The following SNX29 variants were observed in gnomAD, a reference collection of about 807,000 sequenced individuals.
The protein encoded by SNX29 is sorting nexin-29.
SNX29 carries 78 observed loss-of-function variants against 102.1 expected under a neutral mutation model. The observed-to-expected ratio is 0.76, with a 90% confidence interval of 0.64 to 0.92. The LOEUF (loss-of-function observed/expected upper bound fraction) is 0.92. Ranked by LOEUF, SNX29 falls within the 40% of genes least tolerant of loss-of-function variation. The pLI is 0.00. For synonymous variants in SNX29, 580 were observed against 414.5 expected, an observed-to-expected ratio of 1.40 and a Z score of -4.85; for missense variants, 1,280 against 1,061.7, an observed-to-expected ratio of 1.21 and a Z score of -2.86.
At chr16:12,527,462 A>G (rs1222914461) in intron 20 of SNX29, 1 of 428,078 alleles carries the variant, frequency 2.3e-6, no homozygotes, top group Non-Finnish European at 4.4e-6. Flanking sequence ...TCAAATGTTG[A>G]TTTAGGATCC....
chr16:12,278,074 G>C, intron 15 of SNX29, 38 bp downstream of exon 15: 1 of 1,538,504 alleles, frequency 6.5e-7, no homozygotes, highest in Non-Finnish European at 8.8e-7. Context: ...TGTTTCTGAT[G>C]TTGGCTGCGT....
chr16:12,013,378 T>C (rs1025493554), intron 3 of SNX29, among the ~76,000 whole-genome samples: 1 of 148,602 alleles, frequency 6.7e-6, no homozygotes, highest in African/African-American at 2.5e-5. Context: ...GCACGGTGGT[T>C]CACGCCTGTA....
intron 15 of SNX29, among the ~76,000 whole-genome samples, chr16:12,306,410 T>A (rs1038005409): frequency 2.6e-5 from 4 of 151,882 alleles, no homozygotes; most frequent in Admixed American, 2.6e-4. Flanking sequence ...GAGAGAACAA[T>A]GTCCTCCAGT....
At chr16:12,164,598 A>C (rs1474879420) in intron 13 of SNX29, among the ~76,000 whole-genome samples, 1 of 151,878 alleles carries the variant, frequency 6.6e-6, no homozygotes, top group Non-Finnish European at 1.5e-5. Context: ...CTGTATGGGC[A>C]GCCTGAGCAT....
intron 15 of SNX29, among the ~76,000 whole-genome samples, chr16:12,290,884 G>A (rs1412551182): frequency 6.6e-6 from 1 of 152,196 alleles, no homozygotes; most frequent in Non-Finnish European, 1.5e-5. Context: ...GCTAGAAAAT[G>A]ATACTGACCT....
At chr16:12,555,288 G>T (rs3135008) in intron 20 of SNX29, among the ~76,000 whole-genome samples, 19 of 151,252 alleles carry the variant, frequency 1.3e-4, no homozygotes, top group African/African-American at 4.1e-4. Flanking sequence ...AGAGAGCAGG[G>T]GTGCTGTCCA....
chr16:12,495,450 A>G (rs915480539), intron 19 of SNX29, among the ~76,000 whole-genome samples: 3 of 152,180 alleles, frequency 2.0e-5, no homozygotes, highest in East Asian at 1.9e-4. Flanking sequence ...GCCTGGCGTC[A>G]TCTGGAATTC....
intron 4 of SNX29, 150 bp downstream of exon 4, chr16:12,027,594 T>G: frequency 3.5e-6 from 3 of 866,118 alleles, no homozygotes. Context: ...TTAATAGTAG[T>G]CAAAACGTAA....
At chr16:12,139,034 T>C (rs2054767972) in intron 13 of SNX29, among the ~76,000 whole-genome samples, 1 of 151,748 alleles carries the variant, frequency 6.6e-6, no homozygotes, top group Admixed American at 6.6e-5. Flanking sequence ...AAACCTTGTC[T>C]CTACCAAAAA....
intron 19 of SNX29, among the ~76,000 whole-genome samples, chr16:12,497,882 A>C (rs2088910168): frequency 6.6e-6 from 1 of 152,156 alleles, no homozygotes; most frequent in Admixed American, 6.5e-5. Context: ...AATCACAGCG[A>C]CTGTGATTGG....
chr16:12,545,615 G>C (rs1028654362), intron 20 of SNX29: 4 of 152,178 alleles, frequency 2.6e-5, no homozygotes, highest in African/African-American at 7.2e-5. Flanking sequence ...CAGAAAGCAA[G>C]GGTCTGGCTC....
rs181327144 is a variant in SNX29, at chr16:12,060,817, G to A, written c.1125-711G>A. 400 of 456,272 alleles carry A rather than the reference G, an allele frequency of 8.8e-4. 4 individuals carry two copies. The highest frequency in any genetic ancestry group is 3.3e-3 in the Admixed American group (139 of 42,584). The allele number at this position is 456,272 out of a possible 1,614,324, so 28.3% of individuals were successfully genotyped here. A position where few individuals can be genotyped will look rare whatever the true frequency, so the allele number is the denominator to read the frequency against. ...CTGCCTGGCGTTTCGAAGATGGCAC[G>A]CATTAGAGATTTGTACTTTGTGGGT... On this transcript the variant is annotated intron_variant, in intron 8 of 20. Coordinates refer to ENST00000566228, the MANE Select transcript of SNX29 (RefSeq NM_032167.5).
intron 3 of SNX29, among the ~76,000 whole-genome samples, chr16:12,013,498 A>ATAT (rs1555518776): frequency 2.4e-4 from 8 of 33,492 alleles, no homozygotes; most frequent in African/African-American, 8.8e-4. Flanking sequence ...GAAAAAAAAA[A>ATAT]AAATATATAT....
chr16:12,558,750 G>A (rs1481483919), intron 20 of SNX29, among the ~76,000 whole-genome samples: 1 of 152,196 alleles, frequency 6.6e-6, no homozygotes, highest in Admixed American at 6.5e-5. Context: ...GCTGTCCCAG[G>A]CCCATTGGGT....
intron 18 of SNX29, among the ~76,000 whole-genome samples, chr16:12,437,372 C>G (rs2085583937): frequency 6.6e-6 from 1 of 152,224 alleles, no homozygotes; most frequent in Admixed American, 6.5e-5. Flanking sequence ...CCACCGCATT[C>G]CCTGTCTCAT....
chr16:12,058,860 C>G (rs1159499806), intron 8 of SNX29, among the ~76,000 whole-genome samples: 1 of 141,208 alleles, frequency 7.1e-6, no homozygotes, highest in Non-Finnish European at 1.5e-5. Flanking sequence ...GGTATGATCT[C>G]AGCTCACTGC....
At chr16:12,374,560 C>G (rs2082804604) in intron 16 of SNX29, 1 of 152,240 alleles carries the variant, frequency 6.6e-6, no homozygotes, top group African/African-American at 2.4e-5. Context: ...AAGGTGTTCC[C>G]CTTTTCCTTT....
intron 18 of SNX29, among the ~76,000 whole-genome samples, chr16:12,476,324 G>A (rs1352853988): frequency 1.6e-5 from 1 of 63,478 alleles, no homozygotes; most frequent in Non-Finnish European, 3.0e-5. Flanking sequence ...AAAAAAAAAA[G>A]TGAGCAAAGG....
At chr16:12,518,422 G>A (rs1234903875) in intron 19 of SNX29, among the ~76,000 whole-genome samples, 1 of 152,130 alleles carries the variant, frequency 6.6e-6, no homozygotes, top group African/African-American at 2.4e-5. Flanking sequence ...TGCATTTGCT[G>A]TTCTTTCCAC....
Sources: gnomAD v4.1 joint callset for allele counts (sites outside exome capture counted in the v4.1 genomes callset) on GRCh38, gnomAD v4.1.1 for gene constraint, MANE v1.5 for transcripts, NCBI Gene and HGNC (gene_info 2026-07-23, HGNC 2026-07-21) for gene names.